The following COLQ variants were observed in gnomAD, a reference collection of about 807,000 sequenced individuals.
The protein encoded by COLQ is acetylcholinesterase collagenic tail peptide.
Under a neutral mutation model 69.0 loss-of-function variants are expected in COLQ, and 48 were observed. That is an observed-to-expected ratio of 0.70 (90% CI 0.55 to 0.88). The LOEUF is 0.88. Ranked by LOEUF, COLQ falls within the 40% of genes least tolerant of loss-of-function variation. The probability of loss-of-function intolerance (pLI) is 0.00; values close to 1 mark genes in which losing one functional copy is unlikely to be tolerated. For missense variants in COLQ, 618 were observed against 594.6 expected, an observed-to-expected ratio of 1.04 and a Z score of -0.41; for synonymous variants, 217 against 211.2, an observed-to-expected ratio of 1.03 and a Z score of -0.24.
chr3:15,500,947 C>G (rs1267380415), intron 1 of COLQ, among the ~76,000 whole-genome samples: 2 of 152,182 alleles, frequency 1.3e-5, no homozygotes, highest in Non-Finnish European at 2.9e-5. Context: ...ACAATGAAAG[C>G]CTTGGACCAG....
intron 6 of COLQ, among the ~76,000 whole-genome samples, 166 bp from the exon 7 acceptor site, chr3:15,475,653 G>A (rs764235629): frequency 2.6e-5 from 4 of 152,086 alleles, no homozygotes; most frequent in Admixed American, 6.6e-5. Context: ...CCAAAACTCC[G>A]TACTCCACAT....
At chr3:15,489,673 T>G (rs1190777566) in intron 1 of COLQ, 36 bp from the exon 2 acceptor site, 1 of 1,588,582 alleles carries the variant, frequency 6.3e-7, no homozygotes, top group East Asian at 2.2e-5. Flanking sequence ...TAGCATGTGG[T>G]CAGTGCTGGG....
At position 15,450,432 on chromosome 3, in the gene COLQ, GT is replaced by G. The variant is rs2061925762; in HGVS notation, c.*1211del. 6.5e-6 allele frequency: 1 copy of G among 153,780 alleles called. No homozygotes were observed. Among genetic ancestry groups the G allele is most frequent in the Non-Finnish European group, 1.5e-5 (1 of 68,062 alleles). The allele number at this position is 153,780 out of a possible 1,614,324, so 9.5% of individuals were successfully genotyped here. A position where few individuals can be genotyped will look rare whatever the true frequency, so the allele number is the denominator to read the frequency against. The stretch of plus-strand genomic sequence containing the variant: ...AAACCCAAGGGTGTCCCTCCAGCTG[GT>G]AAAAATTGGGCAATTTCTACTTGAG... On this transcript the variant is annotated 3_prime_UTR_variant, in exon 17 of 17. Coordinates refer to ENST00000383788, the MANE Select transcript of COLQ (RefSeq NM_005677.4).
chr3:15,484,874 C>T (rs943520901), intron 3 of COLQ, among the ~76,000 whole-genome samples: 9 of 152,300 alleles, frequency 5.9e-5, no homozygotes, highest in African/African-American at 1.9e-4. Context: ...TATTACCGAT[C>T]GTCTGAAGCC....
In COLQ at chr3:15,498,640, C is replaced by T. The variant is rs1375027009; in HGVS notation, c.107-9003G>A. 2.6e-6 allele frequency: 4 copies of T among 1,551,222 alleles called. No individual in the cohort carries two copies. The East Asian group carries it at 9.8e-5, about 38-fold the overall frequency. On this transcript the variant is annotated intron_variant, in intron 1 of 16. Coordinates refer to ENST00000383788, the MANE Select transcript of COLQ (RefSeq NM_005677.4). Reference sequence around the variant, plus strand: ...CCAGGGAACACTAGCCGGAGACAGGCTGAGATTCGTCACGCCTCTGAGTGC... The same window carrying T: ...CCAGGGAACACTAGCCGGAGACAGGTTGAGATTCGTCACGCCTCTGAGTGC...
intron 14 of COLQ, 105 bp downstream of exon 14, chr3:15,456,355 G>T: frequency 6.7e-7 from 1 of 1,493,942 alleles, no homozygotes; most frequent in Non-Finnish European, 9.1e-7. Flanking sequence ...CAGACAGACT[G>T]TAGAAAGCCC....
At chr3:15,508,272 C>A (rs2062937324) in intron 1 of COLQ, among the ~76,000 whole-genome samples, 1 of 152,206 alleles carries the variant, frequency 6.6e-6, no homozygotes, top group Non-Finnish European at 1.5e-5. Context: ...CCAGCTGTCA[C>A]AACTCTCAAC....
chr3:15,485,747 C>T (rs1039520375), intron 3 of COLQ, among the ~76,000 whole-genome samples: 2 of 152,134 alleles, frequency 1.3e-5, no homozygotes, highest in Non-Finnish European at 2.9e-5. Context: ...TGCTTGAGCC[C>T]AGGAGTTTGA....
chr3:15,502,561 A>G (rs2062846319), intron 1 of COLQ, among the ~76,000 whole-genome samples: 1 of 152,138 alleles, frequency 6.6e-6, no homozygotes, highest in Non-Finnish European at 1.5e-5. Context: ...AATTACAGGA[A>G]AAACACCATG....
intron 11 of COLQ, among the ~76,000 whole-genome samples, chr3:15,467,418 G>A (rs2062215756): frequency 6.6e-6 from 1 of 152,248 alleles, no homozygotes; most frequent in African/African-American, 2.4e-5. Context: ...GAAGAGCTAT[G>A]TGGGGCAAGC....
intron 8 of COLQ, 21 bp downstream of exon 8, chr3:15,474,904 C>G: frequency 6.2e-7 from 1 of 1,613,898 alleles, no homozygotes; most frequent in South Asian, 1.1e-5. Flanking sequence ...CTCTAGGACA[C>G]CATCCAAGAA....
intron 15 of COLQ, among the ~76,000 whole-genome samples, chr3:15,455,312 G>T (rs1461527582): frequency 6.6e-6 from 1 of 152,132 alleles, no homozygotes; most frequent in Non-Finnish European, 1.5e-5. Flanking sequence ...TGACTCTAAA[G>T]CTCCTGCTTT....
chr3:15,516,809 G>T (rs1008403041), intron 1 of COLQ, among the ~76,000 whole-genome samples: 5 of 152,172 alleles, frequency 3.3e-5, no homozygotes, highest in Non-Finnish European at 7.3e-5. Context: ...TTTTGCTAGA[G>T]CTTTGGGCAT....
chr3:15,479,170 G>T lies in COLQ; in HGVS notation c.367-167C>A, dbSNP rs2255897. Among the ~76,000 whole-genome samples, 56,818 of 152,004 alleles carry T rather than the reference G, an allele frequency of 0.37. 10,788 individuals are homozygous for T. The highest frequency in any genetic ancestry group is 0.51 in the East Asian group (2,628 of 5,156). ...TAGGCCACGTCAAAATACACCAGTGGTATCCCATATGTGCTGCAGCAGCCC... is the reference window on the plus strand; with the variant it reads ...TAGGCCACGTCAAAATACACCAGTGTTATCCCATATGTGCTGCAGCAGCCC... On this transcript the variant is annotated intron_variant, in intron 4 of 16. Transcript: ENST00000383788.
At chr3:15,507,958 T>C (rs1258604542) in intron 1 of COLQ, among the ~76,000 whole-genome samples, 1 of 152,170 alleles carries the variant, frequency 6.6e-6, no homozygotes, top group African/African-American at 2.4e-5. Context: ...GCCTTTTGAG[T>C]TGGTTTTTGC....
chr3:15,451,339 G>A lies in COLQ; in HGVS notation c.*305C>T. The A allele has an allele frequency of 1.9e-6, 1 of 538,650 alleles. No homozygotes were observed. Among genetic ancestry groups the A allele is most frequent in the East Asian group, 3.5e-5 (1 of 28,958 alleles). The allele number at this position is 538,650 out of a possible 1,614,324, so 33.4% of individuals were successfully genotyped here. A position where few individuals can be genotyped will look rare whatever the true frequency, so the allele number is the denominator to read the frequency against. ...GTGCTCAGCCAAGTCCACGGCCTGG[G>A]TCAGCAACATTCCAGAAGAGGAAGA... On this transcript the variant is annotated 3_prime_UTR_variant, in exon 17 of 17. Coordinates refer to ENST00000383788, the MANE Select transcript of COLQ (RefSeq NM_005677.4).
intron 4 of COLQ, 115 bp from the exon 5 acceptor site, chr3:15,479,118 C>A: frequency 7.5e-7 from 1 of 1,340,334 alleles, no homozygotes; most frequent in Non-Finnish European, 1.1e-6. Flanking sequence ...TGCTTGGCTG[C>A]TGCTCACGGC....
At chr3:15,487,111 G>A (rs1265884284) in intron 3 of COLQ, among the ~76,000 whole-genome samples, 3 of 152,190 alleles carry the variant, frequency 2.0e-5, no homozygotes, top group Admixed American at 2.0e-4. Flanking sequence ...AAAAAATCAT[G>A]CAGAGAATTA....
chr3:15,498,962 A>C lies in COLQ; in HGVS notation c.107-9325T>G. 4.3e-6 allele frequency: 5 copies of C among 1,170,836 alleles called. No homozygotes were observed. In the South Asian group the frequency reaches 9.3e-5, roughly 22 times the overall value. 72.5% of individuals were successfully genotyped at this position (1,170,836 alleles called of 1,614,324 possible). A position where few individuals can be genotyped will look rare whatever the true frequency, so the allele number is the denominator to read the frequency against. The stretch of plus-strand genomic sequence containing the variant: ...AGGCTGCTTTTCATTTGGCTCAAAA[A>C]CCGACTTGACTCAAAATACCACAGC... On this transcript the variant is annotated intron_variant, in intron 1 of 16. Transcript: ENST00000383788.
Sources: gnomAD v4.1 joint callset for allele counts (sites outside exome capture counted in the v4.1 genomes callset) on GRCh38, gnomAD v4.1.1 for gene constraint, MANE v1.5 for transcripts, NCBI Gene and HGNC (gene_info 2026-07-23, HGNC 2026-07-21) for gene names.